MTUS2: variants seen among roughly 807,000 people sequenced by gnomAD.
MTUS2 encodes the protein microtubule-associated tumor suppressor candidate 2.
A neutral mutation model predicts 114.1 loss-of-function variants in MTUS2; 40 were observed. The observed-to-expected ratio is 0.35, with a 90% confidence interval of 0.27 to 0.46. MTUS2 has a LOEUF of 0.46. Among genes scored for constraint, MTUS2 ranks in the 20% least tolerant of loss-of-function variants. MTUS2 has a pLI of 1.00. For missense variants in MTUS2, 1,679 were observed against 1,705.4 expected (o/e 0.98, Z 0.27); for synonymous variants, 688 against 672.0 (o/e 1.02, Z -0.37).
chr13:28,878,292 TACACAC>T (rs928041578), intron 2 of MTUS2, among the ~76,000 whole-genome samples: 1 of 151,268 alleles, frequency 6.6e-6, no homozygotes, highest in Non-Finnish European at 1.5e-5. Context: ...TGTATGTGTG[TACACAC>T]ACACACATAC....
intron 7 of MTUS2, among the ~76,000 whole-genome samples, chr13:29,357,198 T>TG (rs1555268733): frequency 9.3e-5 from 14 of 150,330 alleles, no homozygotes; most frequent in South Asian, 2.1e-4. Context: ...ATGATGATGA[T>TG]ATTATTATTA....
At chr13:29,354,548 T>C (rs1869580833) in intron 7 of MTUS2, among the ~76,000 whole-genome samples, 1 of 152,230 alleles carries the variant, frequency 6.6e-6, no homozygotes, top group African/African-American at 2.4e-5. Context: ...ACCCTGATTG[T>C]AGCTTCCTGT....
At chr13:28,956,531 A>G (rs1233797060) in intron 2 of MTUS2, among the ~76,000 whole-genome samples, 2 of 152,160 alleles carry the variant, frequency 1.3e-5, no homozygotes, top group African/African-American at 4.8e-5. Flanking sequence ...AATCCTGTAG[A>G]ATTGGAGATA....
At chr13:29,122,630 G>A (rs1431744420) in intron 5 of MTUS2, among the ~76,000 whole-genome samples, 4 of 152,182 alleles carry the variant, frequency 2.6e-5, no homozygotes, top group South Asian at 2.1e-4. Context: ...AATCATGTCA[G>A]ATGGGGAGAG....
intron 8 of MTUS2, among the ~76,000 whole-genome samples, chr13:29,365,568 G>A (rs1870643100): frequency 1.4e-5 from 2 of 144,002 alleles, no homozygotes; most frequent in African/African-American, 5.2e-5. Flanking sequence ...TAGGTGCCAT[G>A]GGAGAAGAAA....
At chr13:29,003,006 A>G (rs1473619097) in intron 2 of MTUS2, among the ~76,000 whole-genome samples, 1 of 152,216 alleles carries the variant, frequency 6.6e-6, no homozygotes, top group African/African-American at 2.4e-5. Context: ...CCCTATTGTG[A>G]AAGCCTTTCC....
At chr13:29,371,643 C>T (rs902288499) in intron 8 of MTUS2, among the ~76,000 whole-genome samples, 10 of 152,024 alleles carry the variant, frequency 6.6e-5, no homozygotes, top group African/African-American at 2.4e-4. Flanking sequence ...GGTAGTTCTC[C>T]AAATAATAGA....
intron 11 of MTUS2, among the ~76,000 whole-genome samples, chr13:29,491,722 G>A (rs1209008100): frequency 2.1e-5 from 3 of 142,974 alleles, no homozygotes; most frequent in Non-Finnish European, 3.1e-5. Context: ...GTGTGTGGTA[G>A]GTGTGTGTGG....
intron 8 of MTUS2, among the ~76,000 whole-genome samples, chr13:29,400,448 G>A (rs1002641280): frequency 3.9e-5 from 6 of 152,222 alleles, no homozygotes; most frequent in African/African-American, 1.4e-4. Flanking sequence ...CACAGAAATT[G>A]TGAATTGATA....
At chr13:29,497,162 T>C in intron 12 of MTUS2, 76 bp from the exon 13 acceptor site, 4 of 1,327,306 alleles carry the variant, frequency 3.0e-6, no homozygotes, top group Non-Finnish European at 4.3e-6. Flanking sequence ...GGTGGCCTGC[T>C]GATCACAGCT....
chr13:29,283,080 G>T (rs560222953), intron 6 of MTUS2, among the ~76,000 whole-genome samples: 11 of 152,320 alleles, frequency 7.2e-5, no homozygotes, highest in African/African-American at 2.6e-4. Context: ...GATATGGATA[G>T]ATTGCCTTTC....
intron 1 of MTUS2, among the ~76,000 whole-genome samples, chr13:28,837,327 C>T (rs760041481): frequency 6.6e-6 from 1 of 152,238 alleles, no homozygotes; most frequent in East Asian, 1.9e-4. Flanking sequence ...GCAGAGTTCA[C>T]GTCCTCAACT....
Position 29,025,262 on chromosome 13 carries a change from G to T in MTUS2, c.564G>T (p.Gly188=), listed in dbSNP as rs1305723944. The part of the protein sequence containing the change: ...ERASSSVAAV[G]SLTPQHPQPL... The stretch of plus-strand genomic sequence containing the variant: ...CAAGCAGCTCTGTAGCTGCAGTCGG[G>T]AGCCTGACTCCGCAGCATCCACAGC... The change falls in exon 3 of 16, where the codon GGG becomes GGT. Residue 188 remains glycine (G), a synonymous_variant. Transcript: ENST00000612955. The T allele has an allele frequency of 6.2e-7, 1 of 1,613,956 alleles. No homozygotes were observed.
chr13:29,411,633 G>A lies in MTUS2; in HGVS notation c.3118-28350G>A, dbSNP rs147454015. 9.8e-5 allele frequency among the ~76,000 whole-genome samples: 15 copies of A among 152,326 alleles called. No individual in the cohort carries two copies. The East Asian group carries it at 2.7e-3, about 27-fold the overall frequency. On this transcript the variant is annotated intron_variant, in intron 8 of 15. Coordinates refer to ENST00000612955, the MANE Select transcript of MTUS2 (RefSeq NM_001033602.4). ...ACAGATTTGTTGGTGTTTTCACAGA[G>A]ATTACATTAAACTTACTTAACCTAG...
intron 7 of MTUS2, among the ~76,000 whole-genome samples, chr13:29,352,615 G>A (rs1176773398): frequency 6.6e-6 from 1 of 152,130 alleles, no homozygotes; most frequent in Admixed American, 6.6e-5. Flanking sequence ...CATATGCTTT[G>A]AGGCTGTTTG....
intron 5 of MTUS2, among the ~76,000 whole-genome samples, chr13:29,223,320 G>A: frequency 6.6e-6 from 1 of 152,136 alleles, no homozygotes; most frequent in East Asian, 1.9e-4. Flanking sequence ...AGGATGACCT[G>A]CCTGTGGAGT....
At chr13:29,181,909 G>A (rs1002319609) in intron 5 of MTUS2, among the ~76,000 whole-genome samples, 30 of 151,600 alleles carry the variant, frequency 2.0e-4, no homozygotes, top group Non-Finnish European at 2.4e-4. Flanking sequence ...CTTCTGGTAT[G>A]GTTAAATATT....
chr13:29,036,267 C>T (rs1287552090), intron 4 of MTUS2, among the ~76,000 whole-genome samples: 1 of 152,040 alleles, frequency 6.6e-6, no homozygotes, highest in Non-Finnish European at 1.5e-5. Context: ...AGTCCTCTGA[C>T]GGAAGGGAGT....
At chr13:29,027,016 C>A in intron 3 of MTUS2, 113 bp downstream of exon 3, 1 of 1,112,552 alleles carries the variant, frequency 9.0e-7, no homozygotes, top group Non-Finnish European at 1.2e-6. Context: ...TACAGATTTT[C>A]ATGGATACAC....
Sources: allele counts gnomAD v4.1 joint callset (sites outside exome capture counted in the v4.1 genomes callset), GRCh38; gene constraint gnomAD v4.1.1; transcripts MANE v1.5; gene names NCBI Gene and HGNC (gene_info 2026-07-23, HGNC 2026-07-21).